FHIT: variants seen among roughly 807,000 people sequenced by gnomAD.
The protein encoded by FHIT is fragile histidine triad diadenosine triphosphatase.
A neutral mutation model predicts 17.9 loss-of-function variants in FHIT; 19 were observed. The ratio of observed to expected loss-of-function variants is 1.06; its 90% CI spans 0.74 to 1.56. FHIT has a LOEUF of 1.56. Among genes scored for constraint, FHIT ranks in the 40% most tolerant of loss-of-function variants. The pLI, the probability that FHIT is intolerant of heterozygous loss-of-function variation, is 0.00. For synonymous variants in FHIT, 81 were observed against 69.7 expected (o/e 1.16, Z -0.81); for missense variants, 248 against 189.2 (o/e 1.31, Z -1.82).
chr3:60,262,787 C>T (rs796490570), intron 5 of FHIT, among the ~76,000 whole-genome samples: 2 of 151,118 alleles, frequency 1.3e-5, no homozygotes, highest in Non-Finnish European at 3.0e-5. Context: ...AAAGAGTTAA[C>T]CAAATAAACT....
chr3:60,786,227 C>T (rs543490978), intron 4 of FHIT, among the ~76,000 whole-genome samples: 2 of 152,046 alleles, frequency 1.3e-5, no homozygotes, highest in South Asian at 4.2e-4. Context: ...TAAATGTTCT[C>T]ATTTATAAAA....
chr3:61,217,136 A>C (rs563557304), intron 1 of FHIT, among the ~76,000 whole-genome samples: 1 of 152,282 alleles, frequency 6.6e-6, no homozygotes, highest in South Asian at 2.1e-4. Context: ...CTAAAACTTA[A>C]AGTATAATAA....
intron 3 of FHIT, among the ~76,000 whole-genome samples, chr3:60,920,046 A>G (rs1387217451): frequency 2.0e-5 from 3 of 152,172 alleles, no homozygotes; most frequent in Non-Finnish European, 4.4e-5. Context: ...AAAAAAAAAA[A>G]AAGAGTGCAT....
At chr3:60,047,904 G>T (rs147425596) in intron 5 of FHIT, among the ~76,000 whole-genome samples, 1 of 152,172 alleles carries the variant, frequency 6.6e-6, no homozygotes, top group African/African-American at 2.4e-5. Context: ...AAATGTAGGT[G>T]TATCAGTTTG....
chr3:60,484,453 T>C (rs540500993), intron 5 of FHIT, among the ~76,000 whole-genome samples: 1 of 152,270 alleles, frequency 6.6e-6, no homozygotes, highest in South Asian at 2.1e-4. Context: ...AACAGCATGG[T>C]ACTGGTATCA....
chr3:61,030,213 A>G (rs978857819), intron 3 of FHIT, among the ~76,000 whole-genome samples: 9 of 151,968 alleles, frequency 5.9e-5, no homozygotes, highest in Non-Finnish European at 1.2e-4. Context: ...CAAGCCATCC[A>G]CCCACCTCAG....
intron 5 of FHIT, among the ~76,000 whole-genome samples, chr3:60,136,314 A>G (rs979629650): frequency 1.3e-5 from 2 of 152,176 alleles, no homozygotes; most frequent in African/African-American, 4.8e-5. Context: ...TAACTGTACT[A>G]ACAGAGCCAA....
chr3:59,752,980 TC>T (rs1009461848), intron 8 of FHIT, among the ~76,000 whole-genome samples: 3 of 152,136 alleles, frequency 2.0e-5, no homozygotes, highest in Non-Finnish European at 2.9e-5. Flanking sequence ...CATTTGCCAT[TC>T]CCAGAATCTC....
chr3:60,005,113 C>T (rs1250222972), intron 7 of FHIT, among the ~76,000 whole-genome samples: 1 of 152,162 alleles, frequency 6.6e-6, no homozygotes, highest in African/African-American at 2.4e-5. Flanking sequence ...GCTTTAACTT[C>T]CCTGCATTTT....
chr3:60,538,391 T>C (rs2036063773), intron 4 of FHIT, among the ~76,000 whole-genome samples: 1 of 152,132 alleles, frequency 6.6e-6, no homozygotes, highest in South Asian at 2.1e-4. Context: ...TTCAATGCCA[T>C]CCCCATCAAG....
chr3:60,202,050 G>A (rs1702938067), intron 5 of FHIT, among the ~76,000 whole-genome samples: 1 of 152,136 alleles, frequency 6.6e-6, no homozygotes, highest in African/African-American at 2.4e-5. Flanking sequence ...TGGAAATTCT[G>A]TAGACTGTTT....
At chr3:60,465,022 A>G (rs2032706195) in intron 5 of FHIT, among the ~76,000 whole-genome samples, 1 of 151,990 alleles carries the variant, frequency 6.6e-6, no homozygotes, top group South Asian at 2.1e-4. Context: ...AGCACTTGTT[A>G]TTGCCTGTCT....
intron 3 of FHIT, among the ~76,000 whole-genome samples, chr3:60,835,960 G>A (rs1248578347): frequency 2.0e-5 from 3 of 152,154 alleles, no homozygotes; most frequent in African/African-American, 7.2e-5. Context: ...CGTCTTTGTA[G>A]ATCACTTAGT....
At chr3:60,546,513 C>CT (rs2036370772) in intron 4 of FHIT, among the ~76,000 whole-genome samples, 1 of 152,050 alleles carries the variant, frequency 6.6e-6, no homozygotes, top group Non-Finnish European at 1.5e-5. Context: ...GCTTTATATG[C>CT]TTTTTTACCC....
At chr3:59,773,843 C>A (rs1382897201) in intron 8 of FHIT, among the ~76,000 whole-genome samples, 10 of 152,134 alleles carry the variant, frequency 6.6e-5, no homozygotes, top group Non-Finnish European at 1.3e-4. Flanking sequence ...GACTACCAGG[C>A]CCCTGTAAAA....
chr3:60,279,011 C>G (rs186811939), intron 5 of FHIT, among the ~76,000 whole-genome samples: 247 of 152,040 alleles, frequency 1.6e-3, no homozygotes, highest in African/African-American at 5.3e-3. Flanking sequence ...CTAAAGCAAT[C>G]AGAAGAAAAA....
At chr3:60,922,029 A>C (rs1352511542) in intron 3 of FHIT, among the ~76,000 whole-genome samples, 1 of 152,230 alleles carries the variant, frequency 6.6e-6, no homozygotes, top group African/African-American at 2.4e-5. Context: ...GATACCTGGT[A>C]ATGAAATACC....
rs1301103387 is a variant in FHIT at position 60,034,026 on chromosome 3, C to T, written c.104-19874G>A. Among the ~76,000 whole-genome samples the T allele has an allele frequency of 4.6e-5, 7 of 152,306 alleles. 1 individual carries two copies. The South Asian group carries it at 1.2e-3, about 27-fold the overall frequency. ...AACAGCATATTCAAGATAACAATAA[C>T]AGCAGTGACTTACATGATTGAGTAC... On this transcript the variant is annotated intron_variant, in intron 5 of 9. Transcript: ENST00000492590.
intron 4 of FHIT, among the ~76,000 whole-genome samples, chr3:60,691,255 A>G (rs11921025): frequency 0.1 from 15,553 of 152,084 alleles, 1,646 homozygotes; most frequent in African/African-American, 0.27. Context: ...GGGTGTTCAA[A>G]TCTATGATCT....
Sources: allele counts gnomAD v4.1 joint callset (sites outside exome capture counted in the v4.1 genomes callset), GRCh38; gene constraint gnomAD v4.1.1; transcripts MANE v1.5; gene names NCBI Gene and HGNC (gene_info 2026-07-23, HGNC 2026-07-21).